Variants in SLC35E2B observed in about 807,000 individuals in gnomAD.
SLC35E2B encodes solute carrier family 35, member E2B.
A neutral mutation model predicts 32.4 loss-of-function variants in SLC35E2B; 18 were observed. The ratio of observed to expected loss-of-function variants is 0.56; its 90% confidence interval spans 0.38 to 0.82. The LOEUF (loss-of-function observed/expected upper bound fraction) is 0.82. Among genes scored for constraint, SLC35E2B ranks in the 40% least tolerant of loss-of-function variants. The pLI is 0.00. For synonymous variants in SLC35E2B, 132 were observed against 209.1 expected (o/e 0.63, Z 3.18); for missense variants, 263 against 469.5 (o/e 0.56, Z 4.06).
intron 6 of SLC35E2B, chr1:1,670,466 G>A (rs984600171): frequency 8.6e-6 from 2 of 232,732 alleles, no homozygotes; most frequent in African/African-American, 4.8e-5. Flanking sequence ...CTGTCGCCCA[G>A]GCTGGAGTGC....
At position 1,664,204 on chromosome 1, in the gene SLC35E2B, T is replaced by A. The variant is rs889921268; in HGVS notation, c.*1578A>T. On this transcript the variant is annotated 3_prime_UTR_variant, in exon 10 of 10. Coordinates refer to ENST00000617444, the MANE Select transcript of SLC35E2B (RefSeq NM_001290264.2). ...TGTCTCAAAAAAATAAAAAGGTTAC[T>A]TGTGGGTTAAAAAGCCTCACTTCGG... 2 of 661,556 alleles carry A rather than the reference T, an allele frequency of 3.0e-6. No homozygotes were observed. Among genetic ancestry groups the A allele is most frequent in the African/African-American group, 3.8e-5 (2 of 52,338 alleles). The allele number at this position is 661,556 out of a possible 1,614,324, so 41.0% of individuals were successfully genotyped here.
intron 9 of SLC35E2B, among the ~76,000 whole-genome samples, chr1:1,667,739 A>G (rs574674604): frequency 6.6e-6 from 1 of 152,294 alleles, no homozygotes; most frequent in East Asian, 1.9e-4. Flanking sequence ...ACTATTCTAG[A>G]CAGAAAAGCA....
chr1:1,668,513 TCCATTTA>T (rs780937086), intron 8 of SLC35E2B, 41 bp from the exon 9 acceptor site: 1 of 1,614,116 alleles, frequency 6.2e-7, no homozygotes, highest in Admixed American at 1.7e-5. Context: ...GTTTCCATTT[TCCATTTA>T]CTAATCATCC....
chr1:1,684,482 G>A (rs138212742), intron 2 of SLC35E2B, among the ~76,000 whole-genome samples: 63 of 152,238 alleles, frequency 4.1e-4, no homozygotes, highest in South Asian at 6.2e-4. Flanking sequence ...GAGGCCGGGC[G>A]CGGGGGCTCA....
At chr1:1,685,967 G>A (rs1422227298) in intron 2 of SLC35E2B, among the ~76,000 whole-genome samples, 1 of 151,918 alleles carries the variant, frequency 6.6e-6, no homozygotes, top group Non-Finnish European at 1.5e-5. Context: ...GAGTAGCTGG[G>A]ATTACAGGCA....
At chr1:1,687,480 C>T (rs1643966230) in intron 2 of SLC35E2B, among the ~76,000 whole-genome samples, 2 of 152,096 alleles carry the variant, frequency 1.3e-5, no homozygotes, top group African/African-American at 4.8e-5. Context: ...TGGCTCACGC[C>T]TGTAATCCCA....
intron 2 of SLC35E2B, among the ~76,000 whole-genome samples, chr1:1,687,506 G>A (rs534006348): frequency 2.4e-4 from 36 of 152,232 alleles, no homozygotes; most frequent in African/African-American, 7.7e-4. Context: ...TTGGGAGGCC[G>A]AGACGGGCAG....
intron 2 of SLC35E2B, among the ~76,000 whole-genome samples, chr1:1,686,690 T>C (rs1643955706): frequency 6.6e-6 from 1 of 151,482 alleles, no homozygotes; most frequent in Admixed American, 6.6e-5. Context: ...CACTTGAACC[T>C]AGAAGACGGA....
In SLC35E2B at chr1:1,663,918, T is replaced by C. The variant is rs1281014146; in HGVS notation, c.*1864A>G. 1.4e-6 allele frequency: 1 copy of C among 707,334 alleles called. No individual in the cohort carries two copies. Among genetic ancestry groups the C allele is most frequent in the African/African-American group, 1.8e-5 (1 of 54,952 alleles). The allele number at this position is 707,334 out of a possible 1,614,324, so 43.8% of individuals were successfully genotyped here. On this transcript the variant is annotated 3_prime_UTR_variant, in exon 10 of 10. Coordinates refer to ENST00000617444, the MANE Select transcript of SLC35E2B (RefSeq NM_001290264.2). ...TTTATAGAAGCGGCTGAAGCAGGTG[T>C]AGTAGCCCACGCCTATATTCTCGAC... is the stretch of plus-strand genomic sequence containing the variant.
At chr1:1,687,971 G>T (rs748395443) in intron 2 of SLC35E2B, among the ~76,000 whole-genome samples, 2 of 152,048 alleles carry the variant, frequency 1.3e-5, no homozygotes, top group Non-Finnish European at 2.9e-5. Flanking sequence ...TTTGAAAAAT[G>T]ACTGACTCTC....
intron 8 of SLC35E2B, among the ~76,000 whole-genome samples, chr1:1,668,966 G>A (rs955956850): frequency 1.3e-5 from 2 of 150,864 alleles, no homozygotes; most frequent in Non-Finnish European, 3.0e-5. Context: ...ACCCCAGCCT[G>A]GGCAACAGAG....
chr1:1,680,212 G>A (rs1454433078), intron 2 of SLC35E2B, among the ~76,000 whole-genome samples: 2 of 151,350 alleles, frequency 1.3e-5, no homozygotes, highest in Non-Finnish European at 2.9e-5. Context: ...GGGGTGGGAG[G>A]ATTGCTTGAA....
In SLC35E2B at chr1:1,671,675, C is replaced by T. The variant is rs923607739; in HGVS notation, c.587-46G>A. On this transcript the variant is annotated intron_variant, in intron 5 of 9. Coordinates refer to ENST00000617444, the MANE Select transcript of SLC35E2B (RefSeq NM_001290264.2). ...GTGAGTGGCTGACCCGCCGGGCGGA[C>T]GCTCCCTCCCGAGGGCCAGGCTGTT... 32 of 1,454,720 alleles carry T rather than the reference C, an allele frequency of 2.2e-5. No homozygotes were observed. The East Asian group carries it at 2.8e-4, about 13-fold the overall frequency. 90.1% of individuals were successfully genotyped at this position (1,454,720 alleles called of 1,614,324 possible). A position where few individuals can be genotyped will look rare whatever the true frequency, so the allele number is the denominator to read the frequency against.
chr1:1,673,117 C>G (rs1000852177), intron 5 of SLC35E2B: 1 of 177,590 alleles, frequency 5.6e-6, no homozygotes, highest in Non-Finnish European at 1.2e-5. Flanking sequence ...TGGCTGTAAT[C>G]CCAGCACTTT....
At chr1:1,669,982 G>A (rs1557753014) in intron 7 of SLC35E2B, 116 bp downstream of exon 7, 4 of 1,028,842 alleles carry the variant, frequency 3.9e-6, no homozygotes, top group Non-Finnish European at 5.9e-6. Flanking sequence ...ACTTGTAAAG[G>A]CCACCCAAGC....
Position 1,664,733 on chromosome 1 carries a change from C to T in SLC35E2B, c.*1049G>A, listed in dbSNP as rs1643496904. 2.9e-5 allele frequency: 26 copies of T among 892,746 alleles called. 5 individuals are homozygous for T. Among genetic ancestry groups the T allele is most frequent in the Non-Finnish European group, 3.2e-5 (24 of 755,132 alleles). 55.3% of individuals were successfully genotyped at this position (892,746 alleles called of 1,614,324 possible). ...ACACACCACGCGCCCCAGAAACATT[C>T]AGTGTGGACGTTTCCTTTTTCAGTA... On this transcript the variant is annotated 3_prime_UTR_variant, in exon 10 of 10. Coordinates refer to ENST00000617444, the MANE Select transcript of SLC35E2B (RefSeq NM_001290264.2).
At chr1:1,690,244 C>A (rs1481919533) in intron 2 of SLC35E2B, among the ~76,000 whole-genome samples, 3 of 138,416 alleles carry the variant, frequency 2.2e-5, no homozygotes, top group Non-Finnish European at 3.1e-5. Context: ...CGCGCCATTG[C>A]ACAACAGCCT....
rs530786478 is a variant in SLC35E2B at position 1,679,996 on chromosome 1, G to A, written c.-147-3150C>T. On this transcript the variant is annotated intron_variant, in intron 2 of 9. Transcript: ENST00000617444. ...AAATACAAAATTAGCCGGGCGTAGT[G>A]GATGCCTGTAATCCCAGCTACTCAG... Among the ~76,000 whole-genome samples, 30 of 150,708 alleles carry A rather than the reference G, an allele frequency of 2.0e-4. No individual in the cohort carries two copies. The South Asian group carries it at 6.1e-3, about 31-fold the overall frequency.
chr1:1,689,550 A>G (rs1391435128), intron 2 of SLC35E2B, among the ~76,000 whole-genome samples: 1 of 151,660 alleles, frequency 6.6e-6, no homozygotes, highest in Non-Finnish European at 1.5e-5. Context: ...CTTTATGCTC[A>G]GGAAAATATA....
Sources: gnomAD v4.1 joint callset for allele counts (sites outside exome capture counted in the v4.1 genomes callset) on GRCh38, gnomAD v4.1.1 for gene constraint, MANE v1.5 for transcripts, NCBI Gene and HGNC (gene_info 2026-07-23, HGNC 2026-07-21) for gene names.